Variants in FARP1 observed in about 807,000 individuals in gnomAD.
FARP1 encodes the protein FERM, ARH/RhoGEF and pleckstrin domain protein 1.
A neutral mutation model predicts 128.8 loss-of-function variants in FARP1; 52 were observed. The ratio of observed to expected loss-of-function variants is 0.40; its 90% confidence interval spans 0.32 to 0.51. FARP1 has a LOEUF of 0.51. Among genes scored for constraint, FARP1 ranks in the 20% least tolerant of loss-of-function variants. The probability of loss-of-function intolerance (pLI) is 0.45; values close to 1 mark genes in which losing one functional copy is unlikely to be tolerated. For missense variants in FARP1, 1,333 were observed against 1,367.9 expected, an observed-to-expected ratio of 0.97 and a Z score of 0.40; for synonymous variants, 580 against 551.8, an observed-to-expected ratio of 1.05 and a Z score of -0.72.
intron 1 of FARP1, among the ~76,000 whole-genome samples, chr13:98,191,847 G>A (rs1879250458): frequency 6.6e-6 from 1 of 152,220 alleles, no homozygotes; most frequent in Admixed American, 6.5e-5. Flanking sequence ...GGAGGCTGAA[G>A]CAGGAGAATC....
chr13:98,415,814 C>T (rs143744505), intron 16 of FARP1, among the ~76,000 whole-genome samples: 53 of 152,376 alleles, frequency 3.5e-4, no homozygotes, highest in African/African-American at 1.1e-3. Flanking sequence ...TGCCGTGATA[C>T]GGAAGCGCAG....
chr13:98,431,440 C>G, intron 18 of FARP1, 160 bp downstream of exon 18: 1 of 547,470 alleles, frequency 1.8e-6, no homozygotes, highest in Non-Finnish European at 3.2e-6. Flanking sequence ...TATTCCTGCT[C>G]TGGTGTTTGG....
intron 24 of FARP1, among the ~76,000 whole-genome samples, chr13:98,443,691 T>C (rs888491292): frequency 2.0e-5 from 3 of 151,950 alleles, no homozygotes; most frequent in African/African-American, 7.3e-5. Context: ...AGAGGTGGGG[T>C]CAGATGTTGG....
intron 1 of FARP1, among the ~76,000 whole-genome samples, chr13:98,192,853 A>G (rs1014306854): frequency 6.6e-6 from 1 of 152,178 alleles, no homozygotes; most frequent in African/African-American, 2.4e-5. Context: ...GGTCCGTCTA[A>G]TTTTGAGTTG....
At chr13:98,314,569 T>C (rs1171390431) in intron 2 of FARP1, among the ~76,000 whole-genome samples, 1 of 152,182 alleles carries the variant, frequency 6.6e-6, no homozygotes, top group Non-Finnish European at 1.5e-5. Flanking sequence ...TGAGCCACCG[T>C]GCCCAGCCTA....
Position 98,440,722 on chromosome 13 carries a change from C to T in FARP1, c.2682C>T (p.Ser894=), listed in dbSNP as rs372128747. The T allele has an allele frequency of 2.9e-5, 46 of 1,613,398 alleles. No homozygotes were observed. The highest frequency in any genetic ancestry group is 1.6e-4 in the Middle Eastern group (1 of 6,084). Residue 894 remains serine, a synonymous_variant, in exon 24 of 27, where the codon AGC becomes AGT. Coordinates refer to ENST00000319562, the MANE Select transcript of FARP1 (RefSeq NM_005766.4). ...AADQESEDDL[S]ASRTSLERQA... The stretch of plus-strand genomic sequence containing the variant: ...ACCAGGAGTCAGAGGATGACCTGAG[C>T]GCCTCGCGCACATCGCTGGAGCGCC...
intron 2 of FARP1, among the ~76,000 whole-genome samples, chr13:98,310,689 T>C (rs1379056165): frequency 2.6e-5 from 4 of 151,902 alleles, no homozygotes; most frequent in Non-Finnish European, 4.4e-5. Context: ...TGGTGGTGGG[T>C]GGTGGTGGGT....
chr13:98,341,654 A>G (rs377765689), intron 2 of FARP1, among the ~76,000 whole-genome samples: 1 of 152,280 alleles, frequency 6.6e-6, no homozygotes, highest in East Asian at 1.9e-4. Context: ...ACAAACAACA[A>G]CAACAACAAA....
chr13:98,371,634 G>T (rs77222688), intron 5 of FARP1, among the ~76,000 whole-genome samples: 3,468 of 152,156 alleles, frequency 0.023, 139 homozygotes, highest in African/African-American at 0.079. Context: ...GATGTGTTGG[G>T]ACTCTCGCAT....
At chr13:98,360,402 G>A (rs529082481) in intron 3 of FARP1, among the ~76,000 whole-genome samples, 1 of 152,302 alleles carries the variant, frequency 6.6e-6, no homozygotes, top group South Asian at 2.1e-4. Flanking sequence ...AGTCTCTGAA[G>A]AGGTGATTAA....
At chr13:98,392,018 A>G (rs1890323130) in intron 11 of FARP1, among the ~76,000 whole-genome samples, 1 of 152,176 alleles carries the variant, frequency 6.6e-6, no homozygotes, top group African/African-American at 2.4e-5. Context: ...AGTTGGACAC[A>G]TTTGTTTCTG....
intron 1 of FARP1, among the ~76,000 whole-genome samples, chr13:98,207,908 C>CCACACACACACACACACACACA (rs71111934): frequency 1.1e-4 from 8 of 71,608 alleles, no homozygotes; most frequent in South Asian, 9.0e-4. Flanking sequence ...ACCACCACCT[C>CCACACACACACACACACACACA]CACACACACA....
chr13:98,433,861 C>G (rs1300107338), intron 18 of FARP1: 1 of 152,328 alleles, frequency 6.6e-6, no homozygotes, highest in Non-Finnish European at 1.5e-5. Context: ...TGATGTTGAG[C>G]TGACCTCCTG....
intron 1 of FARP1, among the ~76,000 whole-genome samples, chr13:98,170,249 T>A: frequency 6.6e-6 from 1 of 152,140 alleles, no homozygotes; most frequent in East Asian, 1.9e-4. Context: ...AGTGGCGCGA[T>A]CTCAGATCAT....
In FARP1 at chr13:98,450,659, A is replaced by C. The variant is rs1893144268; in HGVS notation, c.*2342A>C. The C allele has an allele frequency of 6.6e-6, 1 of 152,240 alleles. No homozygotes were observed. Among genetic ancestry groups the C allele is most frequent in the Non-Finnish European group, 1.5e-5 (1 of 68,048 alleles). 9.4% of individuals were successfully genotyped at this position (152,240 alleles called of 1,614,324 possible). On this transcript the variant is annotated 3_prime_UTR_variant, in exon 27 of 27. Coordinates refer to ENST00000319562, the MANE Select transcript of FARP1 (RefSeq NM_005766.4). ...GGCTCTGGGCAGCTGAGCCAGGAGC[A>C]GCTCAGGGCTGGCACTGAGAGGCTA...
chr13:98,442,846 C>T (rs1594545608), intron 24 of FARP1, among the ~76,000 whole-genome samples: 2 of 152,258 alleles, frequency 1.3e-5, no homozygotes, highest in East Asian at 1.9e-4. Flanking sequence ...GGCCTTGCTT[C>T]GTCCTGACCT....
At chr13:98,294,527 G>T (rs1488872215) in intron 2 of FARP1, among the ~76,000 whole-genome samples, 3 of 152,298 alleles carry the variant, frequency 2.0e-5, no homozygotes, top group East Asian at 3.9e-4. Context: ...TGAGGACAGT[G>T]CTTGCTTATT....
intron 2 of FARP1, among the ~76,000 whole-genome samples, chr13:98,308,029 CTCTCTTTTTTTTTTTTTTTTTTTT>C (rs1482919673): frequency 8.7e-6 from 1 of 114,930 alleles, no homozygotes; most frequent in African/African-American, 3.7e-5. Flanking sequence ...CCCCCACTCT[CTCTCTTTTTTTTTTTTTTTTTTTT>C]TTTTTTTTTT....
intron 2 of FARP1, among the ~76,000 whole-genome samples, chr13:98,310,253 C>T (rs1467618004): frequency 2.0e-5 from 3 of 152,128 alleles, no homozygotes; most frequent in South Asian, 2.1e-4. Context: ...GGCAGGTCGC[C>T]TCTGTGCCTC....
Sources: gnomAD v4.1 joint callset for allele counts (sites outside exome capture counted in the v4.1 genomes callset) on GRCh38, gnomAD v4.1.1 for gene constraint, MANE v1.5 for transcripts, NCBI Gene and HGNC (gene_info 2026-07-23, HGNC 2026-07-21) for gene names.